Variants in IHO1 observed in about 807,000 individuals in gnomAD.
IHO1 encodes the protein interactor of HORMAD1 1, also known as interactor of HORMAD1 protein 1.
IHO1 carries 13 observed loss-of-function variants against 31.0 expected under a neutral mutation model. That is an observed-to-expected ratio of 0.42 (90% CI 0.27 to 0.67). The LOEUF (loss-of-function observed/expected upper bound fraction) is 0.67, where lower values mean the gene tolerates loss of function less well. Ranked by LOEUF, IHO1 falls within the 30% of genes least tolerant of loss-of-function variation. IHO1 has a pLI of 0.24. For missense variants in IHO1, 599 were observed against 687.5 expected (o/e 0.87, Z 1.44); for synonymous variants, 221 against 248.4 (o/e 0.89, Z 1.04).
rs779706902 is a variant in IHO1, at chr3:49,256,087, T to G, written c.637-47T>G. 3.6e-5 allele frequency: 53 copies of G among 1,477,158 alleles called. No homozygotes were observed. Among genetic ancestry groups the G allele is most frequent in the Non-Finnish European group, 4.7e-5 (51 of 1,087,960 alleles). 91.5% of individuals were successfully genotyped at this position (1,477,158 alleles called of 1,614,324 possible). ...TGTTCTCATGTTTTATTGTGCTTTCTGACTTGCACTGTCCATCACTGTCTT... is the reference window on the plus strand; with the variant it reads ...TGTTCTCATGTTTTATTGTGCTTTCGGACTTGCACTGTCCATCACTGTCTT... On this transcript the variant is annotated intron_variant, in intron 7 of 7. Coordinates refer to ENST00000452691, the MANE Select transcript of IHO1 (RefSeq NM_001135197.2). This position sits in a 1 kb window ranked among gnomAD's most constrained non-coding sequence, Gnocchi z 4.6.
intron 6 of IHO1, among the ~76,000 whole-genome samples, chr3:49,247,298 C>T (rs1474315957): frequency 3.9e-5 from 6 of 151,912 alleles, no homozygotes; most frequent in African/African-American, 1.4e-4. Flanking sequence ...AGCACGATCT[C>T]GGTTCACTGC....
chr3:49,218,878 TA>T lies in IHO1; in HGVS notation c.56+7049del, dbSNP rs548255045. ...GACAAAACCCTGTCTCTACAAAAAA[TA>T]AAAAAATTAGCTGGGCGTGGTGATG... On this transcript the variant is annotated intron_variant, in intron 2 of 7. Coordinates refer to ENST00000452691, the MANE Select transcript of IHO1 (RefSeq NM_001135197.2). Among the ~76,000 whole-genome samples the T allele has an allele frequency of 5.9e-3, 894 of 151,956 alleles. 9 individuals are homozygous for T. Among genetic ancestry groups the T allele is most frequent in the African/African-American group, 0.02 (844 of 41,424 alleles).
At chr3:49,240,798 CA>C (rs2046621777) in intron 3 of IHO1, among the ~76,000 whole-genome samples, 1 of 152,172 alleles carries the variant, frequency 6.6e-6, no homozygotes, top group African/African-American at 2.4e-5. Context: ...AGTGGCTCAC[CA>C]TTTGTCAGCA....
the IHO1 span, chr3:49,191,533 G>A: frequency 1.5e-6 from 1 of 685,254 alleles, no homozygotes; most frequent in Non-Finnish European, 2.7e-6. Context: ...GCTTTCAGGA[G>A]ACCATGATGC....
At chr3:49,250,327 G>T (rs959061842) in intron 6 of IHO1, among the ~76,000 whole-genome samples, 1 of 152,112 alleles carries the variant, frequency 6.6e-6, no homozygotes, top group Non-Finnish European at 1.5e-5. Context: ...GAAAAAATAT[G>T]GATAGACTTT....
At position 49,241,275 on chromosome 3, in the gene IHO1, G is replaced by A. The variant is rs1312369046; in HGVS notation, c.281G>A (p.Gly94Glu). Residue 94 changes from glycine (G) to glutamate (E), a missense_variant, in exon 4 of 8, where the codon GGA becomes GAA. Gly to Glu is a moderately conservative substitution (Grantham distance 98). Coordinates refer to ENST00000452691, the MANE Select transcript of IHO1 (RefSeq NM_001135197.2). The stretch of plus-strand genomic sequence containing the variant: ...TACCAGACAAAGCCCCAGCTGTTCG[G>A]AGGAGATATAAAAGATGGAGGTTTA... ...TKYQTKPQLF[G>E]GDIKDGGLFP... is the part of the protein sequence containing the mutation. 7 of 1,613,714 alleles carry A rather than the reference G, an allele frequency of 4.3e-6. No homozygotes were observed. In the African/African-American group the frequency reaches 6.7e-5, roughly 15 times the overall value.
rs2046839305 is a variant in IHO1, at chr3:49,257,407, G to A, written c.*125G>A. ...AGGGTCAGAGGCCCTGCTGAGGTGG[G>A]GCAATGAGCACGAGGGCAGGGAAGG... On this transcript the variant is annotated 3_prime_UTR_variant, in exon 8 of 8. Transcript: ENST00000452691. The A allele has an allele frequency of 1.1e-6, 1 of 940,374 alleles. No individual in the cohort carries two copies. 58.3% of individuals were successfully genotyped at this position (940,374 alleles called of 1,614,324 possible).
intron 1 of IHO1, among the ~76,000 whole-genome samples, chr3:49,201,470 A>G (rs1042960697): frequency 6.6e-6 from 1 of 152,044 alleles, no homozygotes; most frequent in Non-Finnish European, 1.5e-5. Context: ...TAAAAATACA[A>G]AAATTAGCCA....
intron 1 of IHO1, among the ~76,000 whole-genome samples, chr3:49,205,361 C>T (rs2046122697): frequency 6.6e-6 from 1 of 151,778 alleles, no homozygotes; most frequent in Non-Finnish European, 1.5e-5. Context: ...CACTGTCACC[C>T]AGGCTGGAGT....
At chr3:49,200,463 TCAAAAAAAA>T (rs1235466605) in intron 1 of IHO1, 1 of 189,110 alleles carries the variant, frequency 5.3e-6, no homozygotes, top group Admixed American at 1.7e-3. Flanking sequence ...AGACTCGGTC[TCAAAAAAAA>T]AAAAAAGAAA....
chr3:49,198,291 C>T (rs961888341), upstream of IHO1: 7 of 152,240 alleles, frequency 4.6e-5, no homozygotes, highest in African/African-American at 9.6e-5. Context: ...AACTAATCTT[C>T]CCTGAACACA....
rs1430457988 is a variant in IHO1, at chr3:49,244,403, G to T, written c.396-1G>T. ...GTTTTCTTTTTTCCCTCCTATTCTA[G>T]TGAGACTCTATACAACTTTGTTTCT... On this transcript the variant is annotated splice_acceptor_variant, in intron 4 of 7. Transcript: ENST00000452691. LOFTEE classifies it high-confidence loss of function. 1 of 1,536,350 alleles carries T rather than the reference G, an allele frequency of 6.5e-7. No homozygotes were observed. The highest frequency in any genetic ancestry group is 1.4e-5 in the African/African-American group (1 of 72,544).
At chr3:49,217,240 A>C (rs143525278) in intron 2 of IHO1, among the ~76,000 whole-genome samples, 1 of 152,136 alleles carries the variant, frequency 6.6e-6, no homozygotes, top group Non-Finnish European at 1.5e-5. Flanking sequence ...AACTAACCCA[A>C]ATGTTTATCA....
chr3:49,234,941 G>T (rs1023801396), intron 2 of IHO1, among the ~76,000 whole-genome samples: 1 of 151,800 alleles, frequency 6.6e-6, no homozygotes. Context: ...CTGCCTCCCG[G>T]GTTCCAGTGA....
intron 2 of IHO1, among the ~76,000 whole-genome samples, chr3:49,220,951 G>A (rs185525667): frequency 1.5e-4 from 23 of 152,358 alleles, no homozygotes; most frequent in Non-Finnish European, 4.4e-5. Context: ...AAGGGGACCC[G>A]AACGGGTTGC....
chr3:49,242,276 C>G lies in IHO1; in HGVS notation c.395+887C>G, dbSNP rs552749099. ...CTTCCCAAGTAGCTTCGATCAGAGG[C>G]ACACACAGCTGTGGCCACCTAATTT... is the stretch of plus-strand genomic sequence containing the variant. On this transcript the variant is annotated intron_variant, in intron 4 of 7. Transcript: ENST00000452691. Among the ~76,000 whole-genome samples, 3 of 151,890 alleles carry G rather than the reference C, an allele frequency of 2.0e-5. No individual in the cohort carries two copies. In the South Asian group the frequency reaches 6.3e-4, roughly 32 times the overall value.
At chr3:49,218,146 G>A (rs1487731793) in intron 2 of IHO1, among the ~76,000 whole-genome samples, 2 of 152,072 alleles carry the variant, frequency 1.3e-5, no homozygotes, top group African/African-American at 2.4e-5. Context: ...GAGCAGCTGC[G>A]CAGCTGGCTC....
rs147696591 is a variant in IHO1, at chr3:49,223,305, C to T, written c.56+11469C>T. On this transcript the variant is annotated intron_variant, in intron 2 of 7. Transcript: ENST00000452691. ...TTTTTGAGTGTTTCATTTGCTTTCT[C>T]GACCTTCCCTGAGGATTGTGGCCTC... is the stretch of plus-strand genomic sequence containing the variant. Among the ~76,000 whole-genome samples, 470 of 152,266 alleles carry T rather than the reference C, an allele frequency of 3.1e-3. 2 individuals are homozygous for T. Among genetic ancestry groups the T allele is most frequent in the African/African-American group, 0.011 (454 of 41,548 alleles).
intron 4 of IHO1, among the ~76,000 whole-genome samples, 165 bp downstream of exon 4, chr3:49,241,554 C>G (rs889720177): frequency 3.9e-5 from 6 of 152,002 alleles, no homozygotes; most frequent in African/African-American, 9.7e-5. Context: ...CACACACACA[C>G]ACACACAGAC....
Sources: gnomAD v4.1 joint callset for allele counts (sites outside exome capture counted in the v4.1 genomes callset) on GRCh38, gnomAD v4.1.1 for gene constraint, Gnocchi (gnomAD v3.1) non-coding constraint, MANE v1.5 for transcripts, NCBI Gene and HGNC (gene_info 2026-07-23, HGNC 2026-07-21) for gene names.